The following JADE3 variants were observed in gnomAD, a reference collection of about 807,000 sequenced individuals.
JADE3 encodes the protein protein Jade-3.
In JADE3, 2 loss-of-function variants were observed where a neutral mutation model predicts 50.1. The ratio of observed to expected loss-of-function variants is 0.04; its 90% confidence interval spans 0.02 to 0.13. The LOEUF is 0.13. JADE3 is among the 10% of genes least tolerant of loss of function. The pLI, the probability that JADE3 is intolerant of heterozygous loss-of-function variation, is 1.00. For synonymous variants in JADE3, 218 were observed against 232.9 expected, an observed-to-expected ratio of 0.94 and a Z score of 0.58; for missense variants, 475 against 634.4, an observed-to-expected ratio of 0.75 and a Z score of 2.70.
chrX:46,921,189 G>A (rs941754109), intron 1 of JADE3, among the ~76,000 whole-genome samples: 2 of 112,019 alleles, frequency 1.8e-5, no homozygotes, highest in African/African-American at 6.5e-5. Context: ...TGATCCTCCT[G>A]CCTCAGCGTC....
At chrX:46,944,267 G>C (rs1926831303) in intron 1 of JADE3, among the ~76,000 whole-genome samples, 1 of 104,324 alleles carries the variant, frequency 9.6e-6, no homozygotes. Context: ...AGTTCTTCTA[G>C]GTGGGCTGTT....
intron 4 of JADE3, among the ~76,000 whole-genome samples, chrX:47,010,836 CA>C (rs782148436): frequency 1.5e-4 from 16 of 110,022 alleles, no homozygotes; most frequent in Admixed American, 1.1e-3. Flanking sequence ...CTTTCTCTCT[CA>C]AAAAAAAATT....
At chrX:47,016,477 G>C (rs1928679982) in intron 4 of JADE3, among the ~76,000 whole-genome samples, 1 of 111,450 alleles carries the variant, frequency 9.0e-6, no homozygotes, top group Non-Finnish European at 1.9e-5. Flanking sequence ...AAGAGTGAAT[G>C]TTTTAAGAGG....
At chrX:46,972,254 T>C (rs782211348) in intron 1 of JADE3, among the ~76,000 whole-genome samples, 1 of 110,800 alleles carries the variant, frequency 9.0e-6, no homozygotes, top group African/African-American at 3.3e-5. Flanking sequence ...TGGAGTGCAG[T>C]GCATGATCTT....
chrX:46,976,942 C>T (rs935777806), intron 1 of JADE3, among the ~76,000 whole-genome samples: 2 of 111,895 alleles, frequency 1.8e-5, no homozygotes, highest in African/African-American at 3.3e-5. Context: ...TGCTCAGCCC[C>T]TGGGCTGCTG....
intron 4 of JADE3, among the ~76,000 whole-genome samples, chrX:47,013,229 G>C: frequency 9.0e-6 from 1 of 111,123 alleles, no homozygotes; most frequent in Admixed American, 9.6e-5. Flanking sequence ...GCCCAGGCTG[G>C]TCTCAAACTC....
chrX:46,942,713 T>G (rs1771744491), intron 1 of JADE3, among the ~76,000 whole-genome samples: 1 of 112,123 alleles, frequency 8.9e-6, no homozygotes, highest in South Asian at 3.7e-4. Flanking sequence ...CATATGAATT[T>G]TAGAATATTT....
intron 1 of JADE3, among the ~76,000 whole-genome samples, chrX:46,958,910 A>G (rs1302896829): frequency 9.0e-6 from 1 of 111,719 alleles, no homozygotes; most frequent in Admixed American, 9.5e-5. Context: ...CAGCCAGGGC[A>G]TCTTTTCTCC....
At chrX:46,975,714 CTTTTT>C (rs782578317) in intron 1 of JADE3, among the ~76,000 whole-genome samples, 4 of 40,519 alleles carry the variant, frequency 9.9e-5, no homozygotes, top group East Asian at 9.6e-4. Flanking sequence ...TTTTCTTTTT[CTTTTT>C]TTTTTTTTTT....
intron 1 of JADE3, among the ~76,000 whole-genome samples, chrX:46,971,379 G>A (rs1257367047): frequency 1.0e-4 from 11 of 108,819 alleles, no homozygotes; most frequent in Middle Eastern, 4.7e-3. Context: ...GCCTCCCAAC[G>A]TGCTGGGATT....
chrX:47,035,481 GT>G (rs1465679177), intron 7 of JADE3, among the ~76,000 whole-genome samples: 3 of 112,061 alleles, frequency 2.7e-5, no homozygotes, highest in African/African-American at 9.7e-5. Context: ...GAGAATGACT[GT>G]TTTCCAACAG....
rs782347058 is a variant in JADE3, at chrX:46,990,948, C to T, written c.126+5156C>T. 1.8e-4 allele frequency among the ~76,000 whole-genome samples: 20 copies of T among 109,073 alleles called. 1 individual carries two copies. The South Asian group carries it at 3.3e-3, about 18-fold the overall frequency. The allele number at this position is 109,073 out of a possible 115,157, so 94.7% of individuals were successfully genotyped here. ...TTCATATAAATGGAATCATACAATA[C>T]GTGCCCTTTGTGTCTGGCTTCTTTC... is the stretch of plus-strand genomic sequence containing the variant. On this transcript the variant is annotated intron_variant, in intron 3 of 10. Transcript: ENST00000614628.
At chrX:47,042,915 G>A (rs1929294863) in intron 8 of JADE3, among the ~76,000 whole-genome samples, 1 of 111,785 alleles carries the variant, frequency 8.9e-6, no homozygotes, top group Admixed American at 9.5e-5. Flanking sequence ...TGCTGTGCTG[G>A]CTTTAGATCT....
intron 1 of JADE3, among the ~76,000 whole-genome samples, chrX:46,925,895 A>G (rs1163109348): frequency 9.4e-6 from 1 of 105,840 alleles, no homozygotes; most frequent in Non-Finnish European, 1.9e-5. Context: ...TTACTCCATC[A>G]CCCAGGCTGG....
chrX:47,035,734 C>G (rs1929121260), intron 7 of JADE3, among the ~76,000 whole-genome samples: 1 of 110,887 alleles, frequency 9.0e-6, no homozygotes, highest in Non-Finnish European at 1.9e-5. Context: ...AGCTGTATCT[C>G]TCTTAGAAAC....
intron 3 of JADE3, among the ~76,000 whole-genome samples, chrX:46,988,706 G>A (rs1556355209): frequency 8.9e-6 from 1 of 112,130 alleles, no homozygotes; most frequent in African/African-American, 3.2e-5. Context: ...AGTGGGAATT[G>A]GCAAAGGTGA....
intron 1 of JADE3, among the ~76,000 whole-genome samples, chrX:46,930,316 T>C (rs1328425295): frequency 1.8e-5 from 2 of 111,900 alleles, no homozygotes; most frequent in African/African-American, 6.5e-5. Context: ...GAAGCCATCT[T>C]AGAACATTCA....
intron 3 of JADE3, among the ~76,000 whole-genome samples, chrX:46,989,404 G>A (rs186867959): frequency 9.9e-5 from 11 of 111,396 alleles, no homozygotes; most frequent in Non-Finnish European, 1.9e-4. Context: ...TGATAAATTC[G>A]CTTAGTTTTC....
In JADE3 at chrX:47,027,913, A is replaced by G; in HGVS notation, c.497A>G (p.Asn166Ser). The G allele has an allele frequency of 8.3e-7, 1 of 1,209,927 alleles. No homozygotes were observed. Among genetic ancestry groups the G allele is most frequent in the Non-Finnish European group, 1.1e-6 (1 of 893,949 alleles). Residue 166 changes from asparagine to serine, a missense_variant, in exon 6 of 11, where the codon AAT becomes AGT. Physicochemically the swap from Asn to Ser is conservative, Grantham distance 46. Coordinates refer to ENST00000614628, the MANE Select transcript of JADE3 (RefSeq NM_014735.5). ...GCAGGTTGTGGGCCAGTTGATGAGA[A>G]TCTTATGGAAAAGACAGTAGAAGTC... Reference protein sequence around the residue: ...AEMGCGPVDENLMEKTVEVLE... With the variant: ...AEMGCGPVDESLMEKTVEVLE...
Sources: gnomAD v4.1 joint callset for allele counts (sites outside exome capture counted in the v4.1 genomes callset) on GRCh38, gnomAD v4.1.1 for gene constraint, MANE v1.5 for transcripts, NCBI Gene and HGNC (gene_info 2026-07-23, HGNC 2026-07-21) for gene names.